The following KIAA1328 variants were observed in gnomAD, a reference collection of about 807,000 sequenced individuals.
KIAA1328 encodes the protein protein hinderin.
Under a neutral mutation model 68.1 loss-of-function variants are expected in KIAA1328, and 52 were observed. The observed-to-expected ratio is 0.76, with a 90% CI of 0.61 to 0.96. The LOEUF (loss-of-function observed/expected upper bound fraction) is 0.96. KIAA1328 is among the 40% of genes least tolerant of loss of function. The probability of loss-of-function intolerance (pLI) is 0.00; values close to 1 mark genes in which losing one functional copy is unlikely to be tolerated. For synonymous variants in KIAA1328, 232 were observed against 239.4 expected (o/e 0.97, Z 0.28); for missense variants, 641 against 677.6 (o/e 0.95, Z 0.60).
At chr18:37,153,089 T>C (rs527921591) in intron 7 of KIAA1328, among the ~76,000 whole-genome samples, 12 of 152,306 alleles carry the variant, frequency 7.9e-5, no homozygotes, top group African/African-American at 2.9e-4. Flanking sequence ...GGCAGCCACC[T>C]TCTTCATGCA....
intron 6 of KIAA1328, among the ~76,000 whole-genome samples, chr18:36,964,802 C>G (rs2051845591): frequency 6.6e-6 from 1 of 151,942 alleles, no homozygotes; most frequent in African/African-American, 2.4e-5. Context: ...ATAGTACAAT[C>G]CTAGTCTTGA....
At chr18:37,056,964 T>C (rs1179204025) in intron 6 of KIAA1328, among the ~76,000 whole-genome samples, 1 of 152,232 alleles carries the variant, frequency 6.6e-6, no homozygotes, top group Admixed American at 6.5e-5. Context: ...AATCCTAATA[T>C]GCTACCACTG....
At chr18:37,137,893 A>G (rs2058679959) in intron 7 of KIAA1328, among the ~76,000 whole-genome samples, 1 of 152,116 alleles carries the variant, frequency 6.6e-6, no homozygotes, top group South Asian at 2.1e-4. Flanking sequence ...TAACTGTGTG[A>G]TAATATAACT....
chr18:36,920,379 G>T (rs1353461549), intron 5 of KIAA1328, among the ~76,000 whole-genome samples: 2 of 152,032 alleles, frequency 1.3e-5, no homozygotes, highest in African/African-American at 4.8e-5. Context: ...CTTTATTTCT[G>T]TGTTCTCTAT....
intron 6 of KIAA1328, among the ~76,000 whole-genome samples, chr18:37,054,416 G>A (rs2151679733): frequency 6.6e-6 from 1 of 152,260 alleles, no homozygotes; most frequent in Non-Finnish European, 1.5e-5. Context: ...CAACCTAAGT[G>A]TCCATCAATG....
At chr18:37,034,336 T>C (rs1017379826) in intron 6 of KIAA1328, among the ~76,000 whole-genome samples, 2 of 152,192 alleles carry the variant, frequency 1.3e-5, no homozygotes, top group African/African-American at 4.8e-5. Flanking sequence ...ATCAGATTTG[T>C]TGTAACTTGT....
intron 6 of KIAA1328, among the ~76,000 whole-genome samples, chr18:37,026,884 T>A (rs2054604916): frequency 6.6e-6 from 1 of 151,992 alleles, no homozygotes; most frequent in Non-Finnish European, 1.5e-5. Flanking sequence ...GGCAATCAGG[T>A]AGAGAAAGAA....
chr18:36,841,141 T>C (rs769614635), intron 3 of KIAA1328, among the ~76,000 whole-genome samples: 12 of 151,998 alleles, frequency 7.9e-5, no homozygotes, highest in Non-Finnish European at 1.3e-4. Flanking sequence ...GTCTCTACTG[T>C]TCCCAGTCAT....
Position 36,866,335 on chromosome 18 carries a change from T to C in KIAA1328, c.333-19222T>C, listed in dbSNP as rs1337593340. ...GTGGATGCCCTTGTCAGCCAAGGGA[T>C]GCTTGAGCCCCAACATCCCACCCCA... On this transcript the variant is annotated intron_variant, in intron 4 of 9. Coordinates refer to ENST00000280020, the MANE Select transcript of KIAA1328 (RefSeq NM_020776.3). Among the ~76,000 whole-genome samples, 107 of 152,254 alleles carry C rather than the reference T, an allele frequency of 7.0e-4. 3 individuals are homozygous for C. The highest frequency in any genetic ancestry group is 1.9e-4 in the Non-Finnish European group (13 of 68,032).
At chr18:36,982,163 TA>T (rs2052721849) in intron 6 of KIAA1328, among the ~76,000 whole-genome samples, 1 of 144,554 alleles carries the variant, frequency 6.9e-6, no homozygotes, top group Non-Finnish European at 1.5e-5. Context: ...ATAATATATA[TA>T]TATAATATAT....
At chr18:37,131,635 G>T (rs978952562) in intron 7 of KIAA1328, among the ~76,000 whole-genome samples, 11 of 152,082 alleles carry the variant, frequency 7.2e-5, no homozygotes, top group African/African-American at 2.7e-4. Flanking sequence ...GCACAACACA[G>T]CTCAACAGAT....
chr18:36,907,379 A>G (rs1199834904), intron 5 of KIAA1328, among the ~76,000 whole-genome samples: 2 of 152,094 alleles, frequency 1.3e-5, no homozygotes, highest in Admixed American at 6.6e-5. Flanking sequence ...TCTTAGTGGA[A>G]AAGCAAATTA....
Position 37,225,282 on chromosome 18 carries a change from A to G in KIAA1328, c.*3055A>G, listed in dbSNP as rs2060626777. On this transcript the variant is annotated 3_prime_UTR_variant, in exon 10 of 10. Transcript: ENST00000280020. ...GTATTTTGAATATGAGCAAATGTTT[A>G]TGTACGTATGAGATTTCAAGTTAAT... 1.0e-6 allele frequency: 1 copy of G among 985,292 alleles called. No homozygotes were observed. Among genetic ancestry groups the G allele is most frequent in the South Asian group, 4.7e-5 (1 of 21,290 alleles). The allele number at this position is 985,292 out of a possible 1,614,324, so 61.0% of individuals were successfully genotyped here. A position where few individuals can be genotyped will look rare whatever the true frequency, so the allele number is the denominator to read the frequency against.
At chr18:36,918,735 A>G (rs1354227192) in intron 5 of KIAA1328, among the ~76,000 whole-genome samples, 1 of 152,160 alleles carries the variant, frequency 6.6e-6, no homozygotes, top group African/African-American at 2.4e-5. Flanking sequence ...TTTAATAAGC[A>G]TTTGAAGATA....
chr18:36,839,414 A>G (rs1233925069), intron 3 of KIAA1328, among the ~76,000 whole-genome samples: 1 of 151,994 alleles, frequency 6.6e-6, no homozygotes, highest in Admixed American at 6.6e-5. Context: ...TCAGTCTCTT[A>G]TTTTTGTTTA....
intron 3 of KIAA1328, among the ~76,000 whole-genome samples, chr18:36,840,826 A>G (rs1375519980): frequency 1.3e-5 from 2 of 152,158 alleles, no homozygotes; most frequent in East Asian, 1.9e-4. Context: ...AGGATTTCAC[A>G]GTGGTAATTA....
At position 37,066,969 on chromosome 18, in the gene KIAA1328, C is replaced by A; in HGVS notation, c.656C>A (p.Thr219Asn). 1 of 1,613,246 alleles carries A rather than the reference C, an allele frequency of 6.2e-7. No homozygotes were observed. Among genetic ancestry groups the A allele is most frequent in the South Asian group, 1.1e-5 (1 of 90,914 alleles). ...TACTTGAGCATAGCCAGACCACAGA[C>A]CTACTATCAAACCAAGCAAAGACCT... is the stretch of plus-strand genomic sequence containing the variant. ...GSYLSIARPQ[T>N]YYQTKQRPKS... Residue 219 changes from threonine to asparagine, a missense_variant, in exon 7 of 10, where the codon ACC becomes AAC. By Grantham distance (65) the Thr-to-Asn change is moderately conservative (BLOSUM62 0). Coordinates refer to ENST00000280020, the MANE Select transcript of KIAA1328 (RefSeq NM_020776.3).
chr18:36,902,240 T>G (rs1568142233), intron 5 of KIAA1328: 1 of 149,222 alleles, frequency 6.7e-6, no homozygotes, highest in Non-Finnish European at 1.5e-5. Context: ...GATTGCGTTC[T>G]TCACCAACAA....
intron 6 of KIAA1328, among the ~76,000 whole-genome samples, chr18:37,013,616 A>G (rs921731908): frequency 3.3e-5 from 5 of 152,280 alleles, no homozygotes; most frequent in African/African-American, 1.2e-4. Flanking sequence ...CTGTTCCTGC[A>G]TTAATTCACT....
Sources: gnomAD v4.1 joint callset for allele counts (sites outside exome capture counted in the v4.1 genomes callset) on GRCh38, gnomAD v4.1.1 for gene constraint, MANE v1.5 for transcripts, NCBI Gene and HGNC (gene_info 2026-07-23, HGNC 2026-07-21) for gene names.